Variants in NRXN3 observed in about 807,000 individuals in gnomAD.
NRXN3 encodes neurexin III.
Under a neutral mutation model 137.6 loss-of-function variants are expected in NRXN3, and 32 were observed. That is an observed-to-expected ratio of 0.23 (90% CI 0.18 to 0.31). The LOEUF (loss-of-function observed/expected upper bound fraction) is 0.31, where lower values mean the gene tolerates loss of function less well. Among genes scored for constraint, NRXN3 ranks in the 10% least tolerant of loss-of-function variants. The probability of loss-of-function intolerance (pLI) is 1.00; values close to 1 mark genes in which losing one functional copy is unlikely to be tolerated. For missense variants in NRXN3, 1,574 were observed against 2,062.5 expected (o/e 0.76, Z 4.59); for synonymous variants, 798 against 784.5 (o/e 1.02, Z -0.29).
At chr14:79,793,393 C>T (rs980210577) in intron 19 of NRXN3, among the ~76,000 whole-genome samples, 3 of 152,144 alleles carry the variant, frequency 2.0e-5, no homozygotes, top group South Asian at 2.1e-4. Flanking sequence ...CCAGCCTGGG[C>T]GACAGAGCGA....
At chr14:78,376,490 A>G (rs1050199429) in intron 4 of NRXN3, among the ~76,000 whole-genome samples, 3 of 152,192 alleles carry the variant, frequency 2.0e-5, no homozygotes, top group Admixed American at 6.5e-5. Context: ...CCTTAAGTAC[A>G]ATTAAAACCC....
intron 15 of NRXN3, among the ~76,000 whole-genome samples, chr14:79,058,313 G>A (rs1286701191): frequency 6.6e-6 from 1 of 152,100 alleles, no homozygotes; most frequent in Non-Finnish European, 1.5e-5. Context: ...GGAAAAAAGA[G>A]GGTCTGTGTT....
chr14:78,262,203 A>G (rs1489364989), intron 2 of NRXN3, among the ~76,000 whole-genome samples: 2 of 152,136 alleles, frequency 1.3e-5, no homozygotes, highest in African/African-American at 4.8e-5. Context: ...GGCCAGAACT[A>G]TGTCTTTCAC....
intron 11 of NRXN3, 40 bp from the exon 12 acceptor site, chr14:78,965,985 G>T (rs766074761): frequency 3.1e-6 from 5 of 1,589,146 alleles, no homozygotes; most frequent in African/African-American, 1.3e-5. Context: ...GATAAATGAT[G>T]GTAACTTTTC....
At chr14:78,642,658 C>T (rs776987921) in intron 4 of NRXN3, among the ~76,000 whole-genome samples, 6 of 152,164 alleles carry the variant, frequency 3.9e-5, no homozygotes, top group Non-Finnish European at 7.3e-5. Flanking sequence ...GTTGTGATAA[C>T]GCCATTTGAT....
intron 15 of NRXN3, among the ~76,000 whole-genome samples, chr14:79,390,152 C>G (rs2094793996): frequency 6.6e-6 from 1 of 151,874 alleles, no homozygotes; most frequent in African/African-American, 2.4e-5. Flanking sequence ...CCCGTCTCTA[C>G]TAAGAATACA....
At chr14:79,265,602 A>G (rs975999429) in intron 15 of NRXN3, among the ~76,000 whole-genome samples, 53 of 152,184 alleles carry the variant, frequency 3.5e-4, no homozygotes, top group African/African-American at 1.1e-3. Context: ...CCAAGAATGT[A>G]TGGCACCACC....
At chr14:79,125,189 A>G (rs1322642459) in intron 15 of NRXN3, among the ~76,000 whole-genome samples, 1 of 152,142 alleles carries the variant, frequency 6.6e-6, no homozygotes, top group Non-Finnish European at 1.5e-5. Flanking sequence ...ATCTCGACTC[A>G]ACATCTCCTT....
intron 20 of NRXN3, among the ~76,000 whole-genome samples, chr14:79,839,580 C>T (rs900211149): frequency 6.6e-6 from 1 of 152,106 alleles, no homozygotes; most frequent in Admixed American, 6.6e-5. Flanking sequence ...AATATTTTCT[C>T]CCACTTTTTG....
intron 19 of NRXN3, among the ~76,000 whole-genome samples, chr14:79,707,788 A>G (rs1265990542): frequency 6.6e-6 from 1 of 152,178 alleles, no homozygotes; most frequent in Non-Finnish European, 1.5e-5. Context: ...TTGGGCACAC[A>G]CACACAGGGA....
At chr14:79,791,831 G>C (rs1438185672) in intron 19 of NRXN3, among the ~76,000 whole-genome samples, 1 of 152,092 alleles carries the variant, frequency 6.6e-6, no homozygotes, top group African/African-American at 2.4e-5. Context: ...GCTACCACAT[G>C]GCCACTTTTA....
At chr14:78,267,736 A>G (rs531175073) in intron 2 of NRXN3, among the ~76,000 whole-genome samples, 24 of 152,290 alleles carry the variant, frequency 1.6e-4, no homozygotes, top group East Asian at 3.9e-4. Context: ...GATTTCTCCA[A>G]TCAAAGACTT....
At chr14:78,510,171 A>G (rs886460339) in intron 4 of NRXN3, among the ~76,000 whole-genome samples, 4 of 151,754 alleles carry the variant, frequency 2.6e-5, no homozygotes, top group Admixed American at 6.6e-5. Flanking sequence ...CCATGCCTCA[A>G]TTTTCCCCAT....
intron 4 of NRXN3, among the ~76,000 whole-genome samples, chr14:78,564,295 G>A (rs1171139043): frequency 6.6e-6 from 1 of 152,160 alleles, no homozygotes; most frequent in Non-Finnish European, 1.5e-5. Flanking sequence ...CCGCCTCAGT[G>A]TGAAGGTTAT....
At chr14:79,002,446 C>G (rs2099543481) in intron 15 of NRXN3, among the ~76,000 whole-genome samples, 1 of 152,124 alleles carries the variant, frequency 6.6e-6, no homozygotes, top group African/African-American at 2.4e-5. Context: ...TCAGCTCCCA[C>G]TTATGAGTGA....
At chr14:78,908,269 C>T (rs922740388) in intron 10 of NRXN3, among the ~76,000 whole-genome samples, 4 of 152,060 alleles carry the variant, frequency 2.6e-5, no homozygotes, top group South Asian at 2.1e-4. Context: ...TAGAGTTGTA[C>T]GAGACTCCTG....
At chr14:78,322,849 C>T (rs1292746199) in intron 4 of NRXN3, among the ~76,000 whole-genome samples, 1 of 152,054 alleles carries the variant, frequency 6.6e-6, no homozygotes, top group African/African-American at 2.4e-5. Flanking sequence ...CTCTGTGACA[C>T]TTTGCCTGGC....
At chr14:79,110,574 A>G (rs2053293226) in intron 15 of NRXN3, among the ~76,000 whole-genome samples, 1 of 152,176 alleles carries the variant, frequency 6.6e-6, no homozygotes, top group Non-Finnish European at 1.5e-5. Flanking sequence ...AGATGGATGC[A>G]TTTGGCATTT....
At chr14:79,442,860 T>A (rs1257837298) in intron 15 of NRXN3, among the ~76,000 whole-genome samples, 1 of 152,250 alleles carries the variant, frequency 6.6e-6, no homozygotes, top group Non-Finnish European at 1.5e-5. Context: ...GTTCAACTGT[T>A]CCGTGTGATC....
Sources: allele counts gnomAD v4.1 joint callset (sites outside exome capture counted in the v4.1 genomes callset), GRCh38; gene constraint gnomAD v4.1.1; transcripts MANE v1.5; gene names NCBI Gene and HGNC (gene_info 2026-07-23, HGNC 2026-07-21).